Variants in TRPM1 observed in about 807,000 individuals in gnomAD.
TRPM1 encodes the protein transient receptor potential cation channel subfamily M member 1.
Under a neutral mutation model 149.4 loss-of-function variants are expected in TRPM1, and 113 were observed. The observed-to-expected ratio is 0.76, with a 90% CI of 0.65 to 0.88. The LOEUF (loss-of-function observed/expected upper bound fraction) is 0.88. TRPM1 is among the 40% of genes least tolerant of loss of function. The pLI, the probability that TRPM1 is intolerant of heterozygous loss-of-function variation, is 0.00. For synonymous variants in TRPM1, 741 were observed against 759.5 expected, an observed-to-expected ratio of 0.98 and a Z score of 0.40; for missense variants, 1,976 against 2,038.7, an observed-to-expected ratio of 0.97 and a Z score of 0.59.
chr15:31,025,417 A>G (rs773957267), intron 27 of TRPM1, among the ~76,000 whole-genome samples: 11 of 152,186 alleles, frequency 7.2e-5, no homozygotes, highest in African/African-American at 2.2e-4. Context: ...GAGCAATACT[A>G]CGAAGTTTGG....
intron 10 of TRPM1, 41 bp downstream of exon 10, chr15:31,061,401 A>G (rs748119379): frequency 6.3e-7 from 1 of 1,598,722 alleles, no homozygotes; most frequent in Middle Eastern, 1.7e-4. Context: ...CGGCTAGGCC[A>G]ACATCAGAGG....
chr15:31,113,617 A>C (rs995325126), intron 1 of TRPM1, among the ~76,000 whole-genome samples: 1 of 152,180 alleles, frequency 6.6e-6, no homozygotes, highest in African/African-American at 2.4e-5. Context: ...AACTTGTGTC[A>C]TAGCACTTTA....
chr15:31,090,473 C>T (rs952385689), intron 1 of TRPM1, among the ~76,000 whole-genome samples: 2 of 152,020 alleles, frequency 1.3e-5, no homozygotes, highest in Non-Finnish European at 2.9e-5. Flanking sequence ...GCCATCTTTA[C>T]TAAAAATACA....
intron 27 of TRPM1, among the ~76,000 whole-genome samples, chr15:31,007,741 A>G (rs1394772282): frequency 6.6e-6 from 1 of 152,230 alleles, no homozygotes; most frequent in Non-Finnish European, 1.5e-5. Context: ...TTTGATTGGT[A>G]TTGTGTTAAA....
intron 3 of TRPM1, among the ~76,000 whole-genome samples, chr15:31,074,485 A>C (rs2034641704): frequency 6.6e-6 from 1 of 152,124 alleles, no homozygotes; most frequent in Non-Finnish European, 1.5e-5. Flanking sequence ...TTTGCATATA[A>C]GTCATAGTAT....
intron 14 of TRPM1, among the ~76,000 whole-genome samples, 191 bp from the exon 15 acceptor site, chr15:31,047,442 G>A (rs562545098): frequency 1.3e-4 from 20 of 152,322 alleles, no homozygotes; most frequent in African/African-American, 4.8e-4. Flanking sequence ...GGCAGAAAGG[G>A]CCAAGAACAG....
At chr15:31,099,987 C>T (rs2035477288) in intron 1 of TRPM1, among the ~76,000 whole-genome samples, 1 of 152,142 alleles carries the variant, frequency 6.6e-6, no homozygotes, top group Non-Finnish European at 1.5e-5. Flanking sequence ...AAATGTGTCT[C>T]ATCTTCCTTC....
At chr15:31,103,872 G>A (rs1321722759), upstream of TRPM1, among the ~76,000 whole-genome samples, 1 of 151,390 alleles carries the variant, frequency 6.6e-6, no homozygotes, top group African/African-American at 2.4e-5. Flanking sequence ...ATTTAAAATT[G>A]CCTCTGCTCT....
chr15:31,158,523 A>T (rs2036405590), intron 1 of TRPM1, among the ~76,000 whole-genome samples: 1 of 148,564 alleles, frequency 6.7e-6, no homozygotes, highest in African/African-American at 2.5e-5. Flanking sequence ...ACTACTTGGG[A>T]GGCTGAGGCA....
chr15:31,132,182 C>T (rs1015822063), intron 1 of TRPM1, among the ~76,000 whole-genome samples: 1 of 152,220 alleles, frequency 6.6e-6, no homozygotes, highest in Admixed American at 6.5e-5. Flanking sequence ...GGGTTGACCC[C>T]AAGGTTGGGC....
chr15:31,046,195 T>A lies in TRPM1; in HGVS notation c.1794+9A>T. 6.2e-7 allele frequency: 1 copy of A among 1,611,772 alleles called. No individual in the cohort carries two copies. Among genetic ancestry groups the A allele is most frequent in the East Asian group, 2.2e-5 (1 of 44,814 alleles). ...TATTATAAAACTGTTGAAAACAAGT[T>A]CTACTTACTTCCATTCCCAGAAGTT... is the stretch of plus-strand genomic sequence containing the variant. On this transcript the variant is annotated intron_variant, in intron 16 of 27. Transcript: ENST00000256552.
rs1465301159 is a variant in TRPM1 at position 31,026,222 on chromosome 15, C to G, written c.3546G>C (p.Glu1182Asp). The G allele has an allele frequency of 6.2e-7, 1 of 1,612,470 alleles. No individual in the cohort carries two copies. The highest frequency in any genetic ancestry group is 8.5e-7 in the Non-Finnish European group (1 of 1,180,026). The change falls in exon 27 of 28, where the codon GAG becomes GAC. Residue 1182 changes from glutamate to aspartate, a missense_variant. Physicochemically the swap from Glu to Asp is conservative, Grantham distance 45. This residue lies in a region of TRPM1 where 572 missense variants were observed against 578.9 expected (regional missense o/e 0.99). Coordinates refer to ENST00000256552, the MANE Select transcript of TRPM1 (RefSeq NM_001252024.2). ...EELKRLHEFE[E>D]QCVQEHFREK... ...CCCGGAAGTGCTCCTGCACGCACTG[C>G]TCCTCGAACTCATGCAGCCTCTTTA...
chr15:31,059,699 A>T (rs2034173430), intron 11 of TRPM1, among the ~76,000 whole-genome samples: 1 of 152,184 alleles, frequency 6.6e-6, no homozygotes, highest in East Asian at 1.9e-4. Flanking sequence ...GAGCCACCAC[A>T]TCTGGCCAAG....
At chr15:31,081,286 A>G in intron 2 of TRPM1, 67 bp downstream of exon 2, 3 of 672,334 alleles carry the variant, frequency 4.5e-6, no homozygotes, top group Non-Finnish European at 6.8e-6. Context: ...AAACGCTAGC[A>G]TGTGACTAAC....
At chr15:31,071,980 CATATATATATATATAT>C (rs71471861) in intron 3 of TRPM1, among the ~76,000 whole-genome samples, 827 of 77,186 alleles carry the variant, frequency 0.011, 18 homozygotes, top group Middle Eastern at 0.015. Flanking sequence ...AAAAAAAAAA[CATATATATATATATAT>C]ATATATATAT....
intron 3 of TRPM1, 197 bp from the exon 4 acceptor site, chr15:31,070,423 T>A (rs758241779): frequency 7.0e-6 from 5 of 709,372 alleles, no homozygotes; most frequent in Non-Finnish European, 1.3e-5. Context: ...TCTCTTTATA[T>A]GCCAGTCGAT....
intron 16 of TRPM1, among the ~76,000 whole-genome samples, chr15:31,043,702 A>C (rs923388350): frequency 2.0e-5 from 3 of 152,228 alleles, no homozygotes. Flanking sequence ...ATTTTCAAGA[A>C]TATATAAGAT....
intron 22 of TRPM1, 83 bp from the exon 23 acceptor site, chr15:31,031,240 T>TA: frequency 2.7e-6 from 4 of 1,485,264 alleles, no homozygotes; most frequent in Non-Finnish European, 3.8e-6. Context: ...TGTCTCCAAT[T>TA]AAGCACTTCA....
chr15:31,128,412 C>A (rs1198559062), intron 1 of TRPM1, among the ~76,000 whole-genome samples: 1 of 152,166 alleles, frequency 6.6e-6, no homozygotes, highest in Admixed American at 6.5e-5. Context: ...TCTCTCTGAG[C>A]CCTGCTCCTG....
Sources: allele counts gnomAD v4.1 joint callset (sites outside exome capture counted in the v4.1 genomes callset), GRCh38; gene constraint gnomAD v4.1.1; regional missense constraint gnomAD v4.1.1; transcripts MANE v1.5; gene names NCBI Gene and HGNC (gene_info 2026-07-23, HGNC 2026-07-21).